Variants in XKR6 observed in about 807,000 individuals in gnomAD.
XKR6 encodes the protein XK-related protein 6.
A neutral mutation model predicts 56.7 loss-of-function variants in XKR6; 22 were observed. The ratio of observed to expected loss-of-function variants is 0.39; its 90% CI spans 0.28 to 0.55. The LOEUF is 0.55. Ranked by LOEUF, XKR6 falls within the 20% of genes least tolerant of loss-of-function variation. XKR6 has a pLI of 0.66. For synonymous variants in XKR6, 524 were observed against 387.8 expected (o/e 1.35, Z -4.13); for missense variants, 852 against 889.0 (o/e 0.96, Z 0.53).
chr8:10,976,839 A>C lies in XKR6; in HGVS notation c.765-52009T>G, dbSNP rs188428737. On this transcript the variant is annotated intron_variant, in intron 1 of 2. Transcript: ENST00000416569. ...TTTTACTTGCAATCCTCCAATAGCG[A>C]TGTGGCCTCCCTGAAAGAAAACATC... Among the ~76,000 whole-genome samples, 197 of 152,094 alleles carry C rather than the reference A, an allele frequency of 1.3e-3. 1 individual carries two copies. Among genetic ancestry groups the C allele is most frequent in the African/African-American group, 4.6e-3 (189 of 41,488 alleles).
intron 1 of XKR6, among the ~76,000 whole-genome samples, chr8:11,114,727 A>ATATGTGTGTG (rs781375847): frequency 5.1e-5 from 6 of 118,368 alleles, no homozygotes; most frequent in South Asian, 2.7e-4. Context: ...TAGATCACAT[A>ATATGTGTGTG]TGTGTGTGTG....
intron 1 of XKR6, among the ~76,000 whole-genome samples, chr8:11,117,046 C>G (rs1396475350): frequency 6.6e-6 from 1 of 152,166 alleles, no homozygotes; most frequent in African/African-American, 2.4e-5. Context: ...TTGATGAATT[C>G]TAGTGAGTTA....
chr8:11,080,142 GA>G (rs982221687), intron 1 of XKR6, among the ~76,000 whole-genome samples: 112 of 145,626 alleles, frequency 7.7e-4, no homozygotes, highest in South Asian at 3.0e-3. Flanking sequence ...CAGAAAGCAA[GA>G]AAAAAAAAAA....
Position 11,127,386 on chromosome 8 carries a change from A to G in XKR6, c.764+73190T>C, listed in dbSNP as rs940643798. On this transcript the variant is annotated intron_variant, in intron 1 of 2. Transcript: ENST00000416569. ...TCTAAATTTCAGTATTAGTTTCACTATAGCAGATGTAACAAATTACAATTA... is the reference window on the plus strand; with the variant it reads ...TCTAAATTTCAGTATTAGTTTCACTGTAGCAGATGTAACAAATTACAATTA... Among the ~76,000 whole-genome samples the G allele has an allele frequency of 3.9e-5, 6 of 152,376 alleles. No individual in the cohort carries two copies. In the East Asian group the frequency reaches 9.6e-4, roughly 24 times the overall value.
intron 1 of XKR6, among the ~76,000 whole-genome samples, chr8:11,089,856 T>C (rs1798008070): frequency 6.6e-6 from 1 of 152,216 alleles, no homozygotes; most frequent in Admixed American, 6.5e-5. Context: ...ATCAATCCCA[T>C]GCATATTCTA....
intron 2 of XKR6, among the ~76,000 whole-genome samples, chr8:10,907,187 G>C (rs989813243): frequency 6.6e-6 from 1 of 152,222 alleles, no homozygotes; most frequent in Non-Finnish European, 1.5e-5. Flanking sequence ...GTGATCTGGT[G>C]TAAACATAAG....
At chr8:10,952,293 G>C (rs1801750822) in intron 1 of XKR6, among the ~76,000 whole-genome samples, 1 of 152,144 alleles carries the variant, frequency 6.6e-6, no homozygotes, top group South Asian at 2.1e-4. Flanking sequence ...AGGGTAGAAA[G>C]AGGCCCACTT....
intron 1 of XKR6, chr8:11,105,248 A>T (rs1798631454): frequency 6.6e-6 from 1 of 152,218 alleles, no homozygotes; most frequent in Admixed American, 6.5e-5. Flanking sequence ...ATCTTTAGAG[A>T]ACTCAGGGTT....
chr8:11,195,222 C>A (rs1387215400), intron 1 of XKR6: 3 of 700,570 alleles, frequency 4.3e-6, no homozygotes, highest in Non-Finnish European at 7.8e-6. Flanking sequence ...GTCTTGCCCA[C>A]TGCAACATTA....
chr8:10,962,192 T>C (rs1442069740), intron 1 of XKR6, among the ~76,000 whole-genome samples: 1 of 152,172 alleles, frequency 6.6e-6, no homozygotes, highest in African/African-American at 2.4e-5. Flanking sequence ...AGTAAGAAAA[T>C]GCAAACCATA....
intron 1 of XKR6, among the ~76,000 whole-genome samples, chr8:11,022,452 C>A: frequency 6.6e-6 from 1 of 152,138 alleles, no homozygotes; most frequent in Non-Finnish European, 1.5e-5. Flanking sequence ...GGCAGAGGGC[C>A]CACTCCAAGT....
intron 1 of XKR6, among the ~76,000 whole-genome samples, chr8:10,966,002 C>A (rs1246889027): frequency 6.6e-6 from 1 of 152,210 alleles, no homozygotes; most frequent in Non-Finnish European, 1.5e-5. Context: ...GAGCTGGGAT[C>A]CTTCTGAGGT....
chr8:10,923,646 G>A (rs758257337), intron 2 of XKR6, among the ~76,000 whole-genome samples: 64 of 152,258 alleles, frequency 4.2e-4, no homozygotes, highest in Non-Finnish European at 7.6e-4. Flanking sequence ...CTGGGGCAGC[G>A]TGGCTGTTCT....
At chr8:11,178,680 T>G (rs1278684662) in intron 1 of XKR6, among the ~76,000 whole-genome samples, 2 of 135,752 alleles carry the variant, frequency 1.5e-5, no homozygotes, top group East Asian at 3.9e-4. Context: ...GAGATAAATA[T>G]ATATATATAT....
At chr8:11,114,730 T>TGC (rs1219399871) in intron 1 of XKR6, among the ~76,000 whole-genome samples, 6 of 56,612 alleles carry the variant, frequency 1.1e-4, no homozygotes, top group Non-Finnish European at 1.9e-4. Flanking sequence ...ATCACATATG[T>TGC]GTGTGTGTGT....
intron 1 of XKR6, among the ~76,000 whole-genome samples, chr8:10,951,298 T>TTGG (rs1801713954): frequency 1.2e-5 from 1 of 84,714 alleles, no homozygotes; most frequent in Non-Finnish European, 2.5e-5. Flanking sequence ...TGTGTGTGTG[T>TTGG]GGGGGGGGGG....
At position 11,201,107 on chromosome 8, in the gene XKR6, A is replaced by T; in HGVS notation, c.233T>A (p.Leu78Gln). The change falls in exon 1 of 3, where the codon CTG becomes CAG. Residue 78 changes from leucine to glutamine, a missense_variant. This residue lies in a region of XKR6 where 417 missense variants were observed against 355.2 expected (regional missense o/e 1.17). Coordinates refer to ENST00000416569, the MANE Select transcript of XKR6 (RefSeq NM_173683.4). ...GCRSACLRSL[L>Q]GRKPRRSAAA... ...GGCGCTGCGGCGCGGCTTCCTGCCC[A>T]GGAGGGAGCGCAGGCAGGCGGAGCG... 1 of 1,403,202 alleles carries T rather than the reference A, an allele frequency of 7.1e-7. No individual in the cohort carries two copies. Among genetic ancestry groups the T allele is most frequent in the Non-Finnish European group, 9.3e-7 (1 of 1,073,152 alleles). 86.9% of individuals were successfully genotyped at this position (1,403,202 alleles called of 1,614,324 possible).
At chr8:11,141,695 T>C (rs1800705830) in intron 1 of XKR6, among the ~76,000 whole-genome samples, 1 of 152,092 alleles carries the variant, frequency 6.6e-6, no homozygotes, top group South Asian at 2.1e-4. Flanking sequence ...GTGCCCAGTA[T>C]CAGGAGTGGA....
At chr8:11,087,993 CAT>C (rs1222214997) in intron 1 of XKR6, among the ~76,000 whole-genome samples, 16 of 152,288 alleles carry the variant, frequency 1.1e-4, no homozygotes, top group African/African-American at 3.6e-4. Flanking sequence ...TTGTTGAAAA[CAT>C]AAAGTATTGC....
Sources: allele counts gnomAD v4.1 joint callset (sites outside exome capture counted in the v4.1 genomes callset), GRCh38; gene constraint gnomAD v4.1.1; regional missense constraint gnomAD v4.1.1; transcripts MANE v1.5; gene names NCBI Gene and HGNC (gene_info 2026-07-23, HGNC 2026-07-21).